DLGAP1: variants seen among roughly 807,000 people sequenced by gnomAD.
DLGAP1 encodes the protein DLG associated protein 1, also known as disks large-associated protein 1.
A neutral mutation model predicts 90.8 loss-of-function variants in DLGAP1; 11 were observed. The ratio of observed to expected loss-of-function variants is 0.12; its 90% CI spans 0.08 to 0.20. The LOEUF (loss-of-function observed/expected upper bound fraction) is 0.20, where lower values mean the gene tolerates loss of function less well. DLGAP1 is among the 10% of genes least tolerant of loss of function. DLGAP1 has a pLI of 1.00. For synonymous variants in DLGAP1, 558 were observed against 540.7 expected (o/e 1.03, Z -0.44); for missense variants, 1,050 against 1,333.8 (o/e 0.79, Z 3.31).
intron 5 of DLGAP1, among the ~76,000 whole-genome samples, chr18:3,809,397 A>T (rs1050756076): frequency 5.9e-5 from 9 of 152,184 alleles, no homozygotes; most frequent in Non-Finnish European, 1.0e-4. Flanking sequence ...TATCTAAAAC[A>T]AACAAACAAA....
intron 1 of DLGAP1, among the ~76,000 whole-genome samples, chr18:4,381,136 G>T (rs116321686): frequency 0.019 from 2,899 of 152,236 alleles, 62 homozygotes; most frequent in African/African-American, 0.05. Context: ...TAGAGATGAT[G>T]AAAAAGACTT....
intron 1 of DLGAP1, among the ~76,000 whole-genome samples, chr18:4,166,798 A>T (rs552692649): frequency 2.0e-5 from 3 of 152,278 alleles, no homozygotes; most frequent in Admixed American, 2.0e-4. Context: ...TAAATATTGT[A>T]TGTTTCCATT....
intron 1 of DLGAP1, among the ~76,000 whole-genome samples, chr18:4,180,140 A>G (rs768666619): frequency 3.9e-5 from 6 of 152,046 alleles, no homozygotes; most frequent in Non-Finnish European, 2.9e-5. Flanking sequence ...CACAACTTAC[A>G]CTTTTCATAA....
At chr18:4,325,737 C>T (rs888338307) in intron 1 of DLGAP1, among the ~76,000 whole-genome samples, 3 of 152,014 alleles carry the variant, frequency 2.0e-5, no homozygotes, top group African/African-American at 7.2e-5. Flanking sequence ...TGATCTTTGA[C>T]AAAGCTAACA....
intron 1 of DLGAP1, among the ~76,000 whole-genome samples, chr18:4,266,775 C>A (rs1434612078): frequency 6.6e-6 from 1 of 152,158 alleles, no homozygotes; most frequent in Non-Finnish European, 1.5e-5. Flanking sequence ...GATCAAAAAT[C>A]AACTGCATTC....
intron 1 of DLGAP1, among the ~76,000 whole-genome samples, chr18:4,443,222 G>T (rs1350565914): frequency 6.6e-6 from 1 of 152,134 alleles, no homozygotes; most frequent in Non-Finnish European, 1.5e-5. Flanking sequence ...TCCTTCCTTT[G>T]TTCCAGTAGT....
intron 1 of DLGAP1, among the ~76,000 whole-genome samples, chr18:4,196,125 C>T: frequency 6.6e-6 from 1 of 152,138 alleles, no homozygotes; most frequent in East Asian, 1.9e-4. Context: ...TGCTGAGCAT[C>T]AAAAGTCCAT....
At chr18:3,668,513 G>T (rs1383020336) in intron 7 of DLGAP1, among the ~76,000 whole-genome samples, 1 of 152,040 alleles carries the variant, frequency 6.6e-6, no homozygotes, top group Admixed American at 6.6e-5. Flanking sequence ...AGAGATGGGG[G>T]TCTCACTGTG....
At chr18:3,897,119 A>T (rs2071644743) in intron 3 of DLGAP1, 1 of 152,210 alleles carries the variant, frequency 6.6e-6, no homozygotes, top group Non-Finnish European at 1.5e-5. Context: ...AACTTTGATT[A>T]CCTTCATTAT....
intron 3 of DLGAP1, among the ~76,000 whole-genome samples, chr18:3,911,652 A>G (rs1054172276): frequency 7.2e-5 from 11 of 152,238 alleles, no homozygotes; most frequent in Non-Finnish European, 1.5e-4. Flanking sequence ...TCAATCCTAC[A>G]GAAAAGCAAT....
At chr18:3,763,812 C>G (rs921209569) in intron 5 of DLGAP1, among the ~76,000 whole-genome samples, 2 of 151,950 alleles carry the variant, frequency 1.3e-5, no homozygotes, top group East Asian at 3.9e-4. Flanking sequence ...CAGGCATGCA[C>G]CACCATGCCT....
At chr18:3,524,813 G>A (rs781029743) in intron 10 of DLGAP1, among the ~76,000 whole-genome samples, 20 of 152,108 alleles carry the variant, frequency 1.3e-4, no homozygotes, top group Non-Finnish European at 2.6e-4. Context: ...TCTCATTTAC[G>A]AGTGTGTCCT....
chr18:4,423,463 A>C (rs2083085572), intron 1 of DLGAP1, among the ~76,000 whole-genome samples: 1 of 152,220 alleles, frequency 6.6e-6, no homozygotes, highest in Admixed American at 6.5e-5. Flanking sequence ...AATTACAGAA[A>C]TAGTTTTCCT....
At chr18:4,054,602 C>G (rs1304259308) in intron 2 of DLGAP1, among the ~76,000 whole-genome samples, 1 of 152,106 alleles carries the variant, frequency 6.6e-6, no homozygotes, top group Non-Finnish European at 1.5e-5. Context: ...ATGGAAAATT[C>G]CCTGTAACTT....
At chr18:3,802,300 AAAC>A (rs2066346058) in intron 5 of DLGAP1, among the ~76,000 whole-genome samples, 1 of 152,196 alleles carries the variant, frequency 6.6e-6, no homozygotes, top group Admixed American at 6.5e-5. Flanking sequence ...CATCTTTCTA[AAAC>A]AACACTTACA....
At chr18:4,202,386 G>T (rs766423014) in intron 1 of DLGAP1, among the ~76,000 whole-genome samples, 25 of 152,060 alleles carry the variant, frequency 1.6e-4, no homozygotes, top group Admixed American at 1.2e-3. Flanking sequence ...TACCTGTTGG[G>T]TACAATGTAC....
intron 1 of DLGAP1, among the ~76,000 whole-genome samples, chr18:4,297,718 C>T (rs892910491): frequency 9.2e-5 from 14 of 152,150 alleles, no homozygotes; most frequent in African/African-American, 3.1e-4. Context: ...GATTGGCTTA[C>T]ATTCTGGTAT....
chr18:4,015,790 C>T (rs1455318858), intron 2 of DLGAP1, among the ~76,000 whole-genome samples: 1 of 152,168 alleles, frequency 6.6e-6, no homozygotes, highest in Non-Finnish European at 1.5e-5. Flanking sequence ...TTAATGTCAA[C>T]AATTGCATAG....
At chr18:3,953,257 T>C (rs1175410018) in intron 3 of DLGAP1, among the ~76,000 whole-genome samples, 1 of 152,208 alleles carries the variant, frequency 6.6e-6, no homozygotes, top group African/African-American at 2.4e-5. Flanking sequence ...TGGTGGAGTC[T>C]GGGCCTTCAG....
Sources: gnomAD v4.1 joint callset for allele counts (sites outside exome capture counted in the v4.1 genomes callset) on GRCh38, gnomAD v4.1.1 for gene constraint, MANE v1.5 for transcripts, NCBI Gene and HGNC (gene_info 2026-07-23, HGNC 2026-07-21) for gene names.